The following CECR2 variants were observed in gnomAD, a reference collection of about 807,000 sequenced individuals.
CECR2 encodes the protein chromatin remodeling regulator CECR2.
A neutral mutation model predicts 154.5 loss-of-function variants in CECR2; 30 were observed. The ratio of observed to expected loss-of-function variants is 0.19; its 90% CI spans 0.15 to 0.26. CECR2 has a LOEUF of 0.26. Ranked by LOEUF, CECR2 falls within the 10% of genes least tolerant of loss-of-function variation. The probability of loss-of-function intolerance (pLI) is 1.00; values close to 1 mark genes in which losing one functional copy is unlikely to be tolerated. For missense variants in CECR2, 1,743 were observed against 1,829.3 expected (o/e 0.95, Z 0.86); for synonymous variants, 725 against 683.7 (o/e 1.06, Z -0.94).
rs756435741 is a variant in CECR2, at chr22:17,540,739, G to T, written c.1823G>T (p.Gly608Val). 1.2e-6 allele frequency: 2 copies of T among 1,611,086 alleles called. No homozygotes were observed. The highest frequency in any genetic ancestry group is 2.7e-5 in the African/African-American group (2 of 74,854). ...PREVGTSNGR[G>V]FSHPLHCGGT... The stretch of plus-strand genomic sequence containing the variant: ...GAGGTGGGCACTTCCAATGGCCGAG[G>T]TTTTTCTCATCCCCTGCATTGTGGT... The change falls in exon 14 of 19, where the codon GGT (glycine) becomes GTT (valine). Residue 608 changes from glycine to valine, a missense_variant. By Grantham distance (109) the Gly-to-Val change is moderately radical. Coordinates refer to ENST00000262608, the MANE Select transcript of CECR2 (RefSeq NM_001290047.2).
At chr22:17,430,442 A>G (rs79312191) in intron 1 of CECR2, among the ~76,000 whole-genome samples, 130 of 152,136 alleles carry the variant, frequency 8.5e-4, no homozygotes, top group Non-Finnish European at 1.6e-3. Flanking sequence ...CTATCAGCCA[A>G]TTTATTCTCC....
chr22:17,471,843 A>AT (rs1480360263), intron 1 of CECR2, among the ~76,000 whole-genome samples: 11 of 152,100 alleles, frequency 7.2e-5, no homozygotes, highest in Non-Finnish European at 1.0e-4. Context: ...CCATATGGAC[A>AT]TTTTTTATGG....
At chr22:17,410,280 T>C (rs937576349) in intron 1 of CECR2, among the ~76,000 whole-genome samples, 12 of 152,022 alleles carry the variant, frequency 7.9e-5, no homozygotes, top group Non-Finnish European at 1.3e-4. Flanking sequence ...CGCCCGGCCC[T>C]GTCAACTATT....
intron 1 of CECR2, among the ~76,000 whole-genome samples, chr22:17,381,947 G>A (rs886523796): frequency 6.6e-5 from 10 of 151,802 alleles, no homozygotes; most frequent in African/African-American, 2.2e-4. Context: ...GAGTGCAGTG[G>A]CACAATCTTG....
At chr22:17,490,722 T>G (rs1443412830) in intron 2 of CECR2, among the ~76,000 whole-genome samples, 2 of 152,170 alleles carry the variant, frequency 1.3e-5, no homozygotes, top group Non-Finnish European at 2.9e-5. Flanking sequence ...GTGCTAGGAT[T>G]ACAGGCATGA....
intron 1 of CECR2, among the ~76,000 whole-genome samples, chr22:17,373,547 A>T (rs2063084662): frequency 6.6e-6 from 1 of 152,208 alleles, no homozygotes; most frequent in Admixed American, 6.5e-5. Flanking sequence ...ATACTTAGAA[A>T]TTCCTAAATA....
chr22:17,373,662 T>C (rs1159219135), intron 1 of CECR2, among the ~76,000 whole-genome samples: 1 of 152,208 alleles, frequency 6.6e-6, no homozygotes, highest in South Asian at 2.1e-4. Context: ...GTAGTTGATA[T>C]AAACAGATGA....
chr22:17,434,870 G>T (rs1316480306), intron 1 of CECR2, among the ~76,000 whole-genome samples: 2 of 152,132 alleles, frequency 1.3e-5, no homozygotes, highest in African/African-American at 4.8e-5. Flanking sequence ...AGTCAAGGGG[G>T]ACTTGAGAGC....
chr22:17,510,077 CAAAT>C (rs2055915339), intron 7 of CECR2, among the ~76,000 whole-genome samples: 1 of 152,198 alleles, frequency 6.6e-6, no homozygotes, highest in Admixed American at 6.5e-5. Flanking sequence ...AATTTCTCAA[CAAAT>C]AAATTGACTA....
At chr22:17,376,040 T>G (rs1026463359) in intron 1 of CECR2, among the ~76,000 whole-genome samples, 25 of 151,994 alleles carry the variant, frequency 1.6e-4, no homozygotes, top group African/African-American at 4.8e-4. Context: ...TTCTAAAGAT[T>G]CAGGATCTGC....
chr22:17,489,466 C>G (rs538769418), intron 2 of CECR2, among the ~76,000 whole-genome samples: 1 of 151,700 alleles, frequency 6.6e-6, no homozygotes, highest in Non-Finnish European at 1.5e-5. Flanking sequence ...TATTTATTGA[C>G]TTTTTTGAGA....
At chr22:17,378,281 CTGTTTTTT>C (rs200487932) in intron 1 of CECR2, among the ~76,000 whole-genome samples, 21,149 of 147,882 alleles carry the variant, frequency 0.14, 1,678 homozygotes, top group African/African-American at 0.2. Flanking sequence ...CCGCGCTGGG[CTGTTTTTT>C]TGTTTTTTTG....
chr22:17,487,527 G>A (rs1001710043), intron 2 of CECR2, among the ~76,000 whole-genome samples: 2 of 152,058 alleles, frequency 1.3e-5, no homozygotes, highest in Non-Finnish European at 2.9e-5. Flanking sequence ...GTGAAACCCC[G>A]TCTGTACTTA....
At chr22:17,416,364 T>G (rs1221227148) in intron 1 of CECR2, among the ~76,000 whole-genome samples, 1 of 152,178 alleles carries the variant, frequency 6.6e-6, no homozygotes, top group African/African-American at 2.4e-5. Context: ...GTCACTGACC[T>G]TTTTTTGTAT....
chr22:17,440,480 A>G (rs1163898124), intron 1 of CECR2, among the ~76,000 whole-genome samples: 1 of 152,190 alleles, frequency 6.6e-6, no homozygotes, highest in Non-Finnish European at 1.5e-5. Context: ...CCTCAGAGAA[A>G]TGACTCTCTG....
At chr22:17,401,847 G>A (rs1389608327) in intron 1 of CECR2, among the ~76,000 whole-genome samples, 1 of 111,748 alleles carries the variant, frequency 8.9e-6, no homozygotes, top group African/African-American at 4.1e-5. Flanking sequence ...CGCCCCCGCT[G>A]CCTTTTTTTT....
chr22:17,488,399 T>G (rs947901976), intron 2 of CECR2, among the ~76,000 whole-genome samples: 4 of 152,246 alleles, frequency 2.6e-5, no homozygotes, highest in Non-Finnish European at 4.4e-5. Context: ...ACTATCCTAC[T>G]GAAGAAAATA....
At chr22:17,533,141 C>T (rs927148394) in intron 9 of CECR2, among the ~76,000 whole-genome samples, 2 of 150,200 alleles carry the variant, frequency 1.3e-5, no homozygotes, top group Non-Finnish European at 3.0e-5. Flanking sequence ...CTTGGTGAAA[C>T]CCCGTCTCTA....
intron 1 of CECR2, among the ~76,000 whole-genome samples, chr22:17,406,932 C>G (rs2053993314): frequency 6.6e-6 from 1 of 152,130 alleles, no homozygotes; most frequent in East Asian, 1.9e-4. Flanking sequence ...AACCTAAAAT[C>G]CTTCTTGAAC....
Sources: gnomAD v4.1 joint callset for allele counts (sites outside exome capture counted in the v4.1 genomes callset) on GRCh38, gnomAD v4.1.1 for gene constraint, MANE v1.5 for transcripts, NCBI Gene and HGNC (gene_info 2026-07-23, HGNC 2026-07-21) for gene names.